LRRTM3: variants seen among roughly 807,000 people sequenced by gnomAD.
The protein encoded by LRRTM3 is leucine-rich repeat transmembrane neuronal protein 3.
LRRTM3 carries 24 observed loss-of-function variants against 44.7 expected under a neutral mutation model. That is an observed-to-expected ratio of 0.54 (90% CI 0.39 to 0.76). LRRTM3 has a LOEUF of 0.76. LRRTM3 is among the 30% of genes least tolerant of loss of function. LRRTM3 has a pLI of 0.00. For synonymous variants in LRRTM3, 277 were observed against 278.7 expected (o/e 0.99, Z 0.06); for missense variants, 587 against 702.2 (o/e 0.84, Z 1.85).
At chr10:66,953,682 T>C (rs542811824) in intron 2 of LRRTM3, among the ~76,000 whole-genome samples, 1 of 152,298 alleles carries the variant, frequency 6.6e-6, no homozygotes, top group South Asian at 2.1e-4. Flanking sequence ...AATAATTTTA[T>C]CTTTGAAACT....
intron 1 of LRRTM3, among the ~76,000 whole-genome samples, 164 bp from the exon 2 acceptor site, chr10:66,926,755 CAA>C (rs2132620957): frequency 6.6e-6 from 1 of 152,030 alleles, no homozygotes; most frequent in East Asian, 1.9e-4. Flanking sequence ...TTTAAAAAAA[CAA>C]AACACTAAAG....
At chr10:67,072,634 T>G (rs1856528811) in intron 2 of LRRTM3, among the ~76,000 whole-genome samples, 1 of 152,168 alleles carries the variant, frequency 6.6e-6, no homozygotes, top group Non-Finnish European at 1.5e-5. Context: ...CCCTTGTTTA[T>G]CTATACTTGT....
At chr10:67,037,002 G>A (rs965406557) in intron 2 of LRRTM3, among the ~76,000 whole-genome samples, 7 of 152,130 alleles carry the variant, frequency 4.6e-5, no homozygotes, top group South Asian at 2.1e-4. Flanking sequence ...AGATGCAGGC[G>A]ATCTAGTCAT....
intron 2 of LRRTM3, among the ~76,000 whole-genome samples, chr10:67,072,033 ATC>A (rs1273161740): frequency 1.3e-5 from 2 of 152,198 alleles, no homozygotes; most frequent in Non-Finnish European, 2.9e-5. Context: ...GCGCACTGCA[ATC>A]TCTGCCTCCC....
In LRRTM3 at chr10:66,980,587, C is replaced by A. The variant is rs1850371809; in HGVS notation, c.1536+52135C>A. ...TCCTACCCACCTGTGATTAAATGAG[C>A]CAAATGAGTAGCAACGTGGCAGATG... is the stretch of plus-strand genomic sequence containing the variant. On this transcript the variant is annotated intron_variant, in intron 2 of 2. Coordinates refer to ENST00000361320, the MANE Select transcript of LRRTM3 (RefSeq NM_178011.5). Among the ~76,000 whole-genome samples, 2 of 145,550 alleles carry A rather than the reference C, an allele frequency of 1.4e-5. 1 individual carries two copies. The highest frequency in any genetic ancestry group is 4.3e-4 in the South Asian group (2 of 4,674).
At chr10:67,080,335 T>C (rs1230682432) in intron 2 of LRRTM3, among the ~76,000 whole-genome samples, 1 of 152,188 alleles carries the variant, frequency 6.6e-6, no homozygotes, top group Non-Finnish European at 1.5e-5. Context: ...GAGAATCTGC[T>C]GTTTACAATG....
At chr10:66,962,700 C>T (rs982276405) in intron 2 of LRRTM3, among the ~76,000 whole-genome samples, 3 of 152,166 alleles carry the variant, frequency 2.0e-5, no homozygotes, top group African/African-American at 7.2e-5. Flanking sequence ...CGTGAGCCAC[C>T]GTGCCTGGCC....
chr10:67,056,877 A>G (rs1411874519), intron 2 of LRRTM3, among the ~76,000 whole-genome samples: 6 of 152,190 alleles, frequency 3.9e-5, no homozygotes, highest in Non-Finnish European at 8.8e-5. Context: ...TTACATCAAT[A>G]TCAAGTGAGA....
chr10:67,031,865 T>C (rs922268772), intron 2 of LRRTM3, among the ~76,000 whole-genome samples: 8 of 152,198 alleles, frequency 5.3e-5, no homozygotes, highest in East Asian at 1.9e-4. Context: ...GCCTCTTTTA[T>C]TGGGCCACAA....
intron 2 of LRRTM3, among the ~76,000 whole-genome samples, chr10:66,987,473 G>A (rs16923872): frequency 0.04 from 6,080 of 152,178 alleles, 372 homozygotes; most frequent in East Asian, 0.29. Context: ...TTAGCAATCC[G>A]AGATGCCCAG....
chr10:66,975,286 A>C (rs1328613905), intron 2 of LRRTM3, among the ~76,000 whole-genome samples: 1 of 152,176 alleles, frequency 6.6e-6, no homozygotes. Context: ...TAATAGTAAT[A>C]AGTACTATCT....
intron 2 of LRRTM3, among the ~76,000 whole-genome samples, chr10:67,083,509 C>T (rs1857150265): frequency 6.6e-6 from 1 of 152,064 alleles, no homozygotes; most frequent in African/African-American, 2.4e-5. Flanking sequence ...CAACAATGTG[C>T]TAATTTTAAC....
At chr10:67,066,813 T>C (rs1010555835) in intron 2 of LRRTM3, among the ~76,000 whole-genome samples, 1 of 152,236 alleles carries the variant, frequency 6.6e-6, no homozygotes, top group Non-Finnish European at 1.5e-5. Flanking sequence ...TAGCTTACCA[T>C]CTAGCAGAAG....
At chr10:66,975,910 A>G (rs1316726892) in intron 2 of LRRTM3, among the ~76,000 whole-genome samples, 1 of 152,216 alleles carries the variant, frequency 6.6e-6, no homozygotes, top group Non-Finnish European at 1.5e-5. Flanking sequence ...CTTATAGGAA[A>G]ATATATAAAA....
chr10:67,071,272 T>C lies in LRRTM3; in HGVS notation c.1537-26315T>C, dbSNP rs572024644. Among the ~76,000 whole-genome samples, 3 of 152,060 alleles carry C rather than the reference T, an allele frequency of 2.0e-5. No individual in the cohort carries two copies. In the South Asian group the frequency reaches 6.2e-4, roughly 32 times the overall value. On this transcript the variant is annotated intron_variant, in intron 2 of 2. Coordinates refer to ENST00000361320, the MANE Select transcript of LRRTM3 (RefSeq NM_178011.5). ...TACAACAATTCCCTTTGGTATTCCT[T>C]TTAGTGCAGGCCTCATACTGATTAA...
intron 2 of LRRTM3, among the ~76,000 whole-genome samples, chr10:67,051,398 A>G (rs929744594): frequency 6.6e-6 from 1 of 152,202 alleles, no homozygotes; most frequent in Non-Finnish European, 1.5e-5. Context: ...TGGACATTTT[A>G]ACAGCTAATA....
chr10:67,022,660 G>A (rs767233063), intron 2 of LRRTM3, among the ~76,000 whole-genome samples: 21 of 152,140 alleles, frequency 1.4e-4, no homozygotes, highest in Admixed American at 2.0e-4. Context: ...ACTGAAGGCC[G>A]GGCACGGTGG....
rs1445529710 is a variant in LRRTM3 at position 67,099,955 on chromosome 10, T to C, written c.*2159T>C. 1.3e-5 allele frequency: 2 copies of C among 151,792 alleles called. No homozygotes were observed. The highest frequency in any genetic ancestry group is 1.3e-4 in the Admixed American group (2 of 15,188). 9.4% of individuals were successfully genotyped at this position (151,792 alleles called of 1,614,324 possible). On this transcript the variant is annotated 3_prime_UTR_variant, in exon 3 of 3. Transcript: ENST00000361320. ...GAGTCTAAAATCAAATGCAAAATTTTATTTATTATGTAAACCAAAATGTCA... is the reference window on the plus strand; with the variant it reads ...GAGTCTAAAATCAAATGCAAAATTTCATTTATTATGTAAACCAAAATGTCA...
At chr10:67,065,300 G>C (rs930947021) in intron 2 of LRRTM3, among the ~76,000 whole-genome samples, 18 of 151,878 alleles carry the variant, frequency 1.2e-4, no homozygotes, top group Non-Finnish European at 2.4e-4. Flanking sequence ...TAAAAACCAA[G>C]GTTAATAATT....
Sources: allele counts gnomAD v4.1 joint callset (sites outside exome capture counted in the v4.1 genomes callset), GRCh38; gene constraint gnomAD v4.1.1; transcripts MANE v1.5; gene names NCBI Gene and HGNC (gene_info 2026-07-23, HGNC 2026-07-21).